CTBP2: variants seen among roughly 807,000 people sequenced by gnomAD.
The protein encoded by CTBP2 is C-terminal binding protein 2, also known as C-terminal-binding protein 2.
Under a neutral mutation model 80.3 loss-of-function variants are expected in CTBP2, and 30 were observed. That is an observed-to-expected ratio of 0.37 (90% CI 0.28 to 0.51). CTBP2 has a LOEUF of 0.51. Ranked by LOEUF, CTBP2 falls within the 20% of genes least tolerant of loss-of-function variation. The pLI is 0.93. For missense variants in CTBP2, 1,212 were observed against 1,375.3 expected, an observed-to-expected ratio of 0.88 and a Z score of 1.88; for synonymous variants, 594 against 587.4, an observed-to-expected ratio of 1.01 and a Z score of -0.16.
intron 1 of CTBP2, among the ~76,000 whole-genome samples, chr10:125,137,461 A>G (rs1426715050): frequency 6.6e-6 from 1 of 152,202 alleles, no homozygotes; most frequent in Non-Finnish European, 1.5e-5. Context: ...TGACCTGCAC[A>G]TACAACATCA....
At chr10:125,068,920 G>C (rs1845041139) in intron 2 of CTBP2, among the ~76,000 whole-genome samples, 1 of 152,190 alleles carries the variant, frequency 6.6e-6, no homozygotes, top group Non-Finnish European at 1.5e-5. Flanking sequence ...GGAGCACCGG[G>C]TTCTCCTTTG....
In CTBP2 at chr10:125,098,700, G is replaced by GAGAC. The variant is rs1564914042; in HGVS notation, c.-102+12289_-102+12290insGTCT. On this transcript the variant is annotated intron_variant, in intron 2 of 10. Transcript: ENST00000337195. The stretch of plus-strand genomic sequence containing the variant: ...AGAGAGAGAGAGAGAGAGAGAGAGA[G>GAGAC]AGAGAGACAGAGAGAGAGAGAGACA... 3.5e-3 allele frequency among the ~76,000 whole-genome samples: 297 copies of GAGAC among 84,876 alleles called. 4 individuals are homozygous for GAGAC. Among genetic ancestry groups the GAGAC allele is most frequent in the Non-Finnish European group, 4.4e-3 (185 of 42,212 alleles). The allele number at this position is 84,876 out of a possible 152,430, so 55.7% of individuals were successfully genotyped here.
intron 1 of CTBP2, among the ~76,000 whole-genome samples, chr10:125,146,427 C>T (rs1038866293): frequency 1.3e-5 from 2 of 149,828 alleles, no homozygotes; most frequent in Admixed American, 6.7e-5. Flanking sequence ...ATTACAGGTG[C>T]GCGCCACCAC....
intron 2 of CTBP2, among the ~76,000 whole-genome samples, chr10:125,059,181 A>G (rs1964507559): frequency 6.6e-6 from 1 of 152,154 alleles, no homozygotes; most frequent in Non-Finnish European, 1.5e-5. Flanking sequence ...AGACACAAGC[A>G]ATGCTAGTTG....
intron 2 of CTBP2, among the ~76,000 whole-genome samples, chr10:125,062,219 G>C (rs1011599168): frequency 6.6e-6 from 1 of 151,556 alleles, no homozygotes; most frequent in East Asian, 2.0e-4. Flanking sequence ...TGGACTACTA[G>C]AAAGAGGTGC....
intron 1 of CTBP2, among the ~76,000 whole-genome samples, chr10:125,145,682 TATCACC>T (rs1858639053): frequency 6.6e-6 from 1 of 152,142 alleles, no homozygotes; most frequent in South Asian, 2.1e-4. Flanking sequence ...ATCCTACTAC[TATCACC>T]ACCACCACCA....
intron 8 of CTBP2, among the ~76,000 whole-genome samples, chr10:124,991,219 G>A (rs1020932825): frequency 1.3e-5 from 2 of 152,206 alleles, no homozygotes; most frequent in African/African-American, 2.4e-5. Context: ...ATCCATCCAG[G>A]TAGAGGAGGA....
intron 2 of CTBP2, among the ~76,000 whole-genome samples, chr10:125,053,292 A>G (rs990637939): frequency 4.6e-5 from 7 of 152,112 alleles, no homozygotes; most frequent in East Asian, 1.9e-4. Context: ...CACAAAGGAC[A>G]TGGGAGCAGG....
Position 125,041,507 on chromosome 10 carries a change from C to G in CTBP2, c.-101-2352G>C, listed in dbSNP as rs1323035929. 2.7e-4 allele frequency among the ~76,000 whole-genome samples: 8 copies of G among 29,598 alleles called. No individual in the cohort carries two copies. The South Asian group carries it at 4.8e-3, about 18-fold the overall frequency. 19.4% of individuals were successfully genotyped at this position (29,598 alleles called of 152,430 possible). On this transcript the variant is annotated intron_variant, in intron 2 of 10. Transcript: ENST00000337195. ...ATCTGAGCTTTTGTCCATCCCCACC[C>G]CCCCCCCCCCCACCCACAAGTGACT...
intron 2 of CTBP2, among the ~76,000 whole-genome samples, chr10:125,110,718 GTT>G (rs1321868947): frequency 5.9e-5 from 9 of 152,116 alleles, no homozygotes; most frequent in African/African-American, 2.2e-4. Flanking sequence ...CATAATTTCC[GTT>G]GACTTATCTC....
intron 1 of CTBP2, among the ~76,000 whole-genome samples, 174 bp from the exon 2 acceptor site, chr10:125,111,267 C>G (rs1332255121): frequency 6.6e-6 from 1 of 152,134 alleles, no homozygotes; most frequent in Non-Finnish European, 1.5e-5. Context: ...CACACCAGAT[C>G]AAATTAAACA....
intron 3 of CTBP2, among the ~76,000 whole-genome samples, chr10:125,037,483 T>C (rs1959016399): frequency 6.6e-6 from 1 of 152,184 alleles, no homozygotes; most frequent in African/African-American, 2.4e-5. Context: ...GAGTAAATTT[T>C]ACAACTCCCC....
Position 125,027,232 on chromosome 10 carries a change from C to T in CTBP2, c.528G>A (p.Gly176=), listed in dbSNP as rs770014096. Reference sequence around the variant, plus strand: ...ATGCAGCCCTGCTCTGTGTCTGCCGCCCCTGAGGGATCATTTTACCTCCAG... The same window carrying T: ...ATGCAGCCCTGCTCTGTGTCTGCCGTCCCTGAGGGATCATTTTACCTCCAG... Residue 176 remains glycine (G), a synonymous_variant, in exon 1 of 9, where the codon GGG becomes GGA. Coordinates refer to ENST00000309035, the MANE Select transcript of CTBP2 (RefSeq NM_022802.3). 4.3e-6 allele frequency: 7 copies of T among 1,613,418 alleles called. No homozygotes were observed. The highest frequency in any genetic ancestry group is 3.3e-5 in the South Asian group (3 of 91,088).
chr10:124,996,314 C>T (rs933825692), intron 4 of CTBP2: 1 of 152,192 alleles, frequency 6.6e-6, no homozygotes, highest in Non-Finnish European at 1.5e-5. Context: ...TCCCACCCCG[C>T]CTGCTGCACT....
At chr10:125,087,075 CTTTT>C (rs564770474) in intron 2 of CTBP2, among the ~76,000 whole-genome samples, 5 of 136,532 alleles carry the variant, frequency 3.7e-5, no homozygotes, top group Admixed American at 1.5e-4. Flanking sequence ...CAATTTCTTT[CTTTT>C]TTTTTTTTTT....
chr10:125,087,766 C>T (rs535938526), intron 2 of CTBP2, among the ~76,000 whole-genome samples: 6 of 152,340 alleles, frequency 3.9e-5, no homozygotes, highest in South Asian at 4.1e-4. Flanking sequence ...TGTGGCCAGG[C>T]GGCCTGACTG....
chr10:125,058,987 G>C (rs912758658), intron 2 of CTBP2, among the ~76,000 whole-genome samples: 4 of 152,192 alleles, frequency 2.6e-5, no homozygotes, highest in African/African-American at 9.7e-5. Context: ...CCCACGGTCA[G>C]GCAGGTGACG....
rs1486689292 is a variant in CTBP2, at chr10:125,036,383, C to T, written c.58+2614G>A. Among the ~76,000 whole-genome samples the T allele has an allele frequency of 2.6e-5, 4 of 151,602 alleles. No individual in the cohort carries two copies. In the East Asian group the frequency reaches 5.8e-4, roughly 22 times the overall value. On this transcript the variant is annotated intron_variant, in intron 3 of 10. Coordinates refer to the CTBP2 transcript ENST00000337195. Reference sequence around the variant, plus strand: ...GCATTGTGTAGCAGGCGGGAGGGGACGAATTTTAAGGAGCTGGTGTATCCA... The same window carrying T: ...GCATTGTGTAGCAGGCGGGAGGGGATGAATTTTAAGGAGCTGGTGTATCCA...
chr10:125,003,635 A>G, intron 1 of CTBP2, 143 bp from the exon 4 acceptor site: 1 of 582,536 alleles, frequency 1.7e-6, no homozygotes. Context: ...CTCCACCTGC[A>G]TCACCTTCCA....
Sources: gnomAD v4.1 joint callset for allele counts (sites outside exome capture counted in the v4.1 genomes callset) on GRCh38, gnomAD v4.1.1 for gene constraint, MANE v1.5 for transcripts, NCBI Gene and HGNC (gene_info 2026-07-23, HGNC 2026-07-21) for gene names.